The following STPG2 variants were observed in gnomAD, a reference collection of about 807,000 sequenced individuals.
STPG2 encodes sperm-tail PG-rich repeat-containing protein 2.
A neutral mutation model predicts 54.2 loss-of-function variants in STPG2; 56 were observed. The observed-to-expected ratio is 1.03, with a 90% CI of 0.83 to 1.29. STPG2 has a LOEUF of 1.29. Among genes scored for constraint, STPG2 ranks in the 50% most tolerant of loss-of-function variants. The pLI is 0.00. For missense variants in STPG2, 596 were observed against 544.9 expected (o/e 1.09, Z -0.93); for synonymous variants, 200 against 181.8 (o/e 1.10, Z -0.81).
intron 10 of STPG2, among the ~76,000 whole-genome samples, chr4:97,658,011 A>C (rs1286573724): frequency 6.6e-6 from 1 of 152,228 alleles, no homozygotes; most frequent in African/African-American, 2.4e-5. Flanking sequence ...TTTTACAAGA[A>C]GAACATATGT....
chr4:97,971,646 C>T (rs1429365131), intron 7 of STPG2, among the ~76,000 whole-genome samples: 2 of 151,874 alleles, frequency 1.3e-5, no homozygotes, highest in African/African-American at 4.8e-5. Context: ...TGTAGTCTGT[C>T]GTGGGGTGGC....
intron 5 of STPG2, among the ~76,000 whole-genome samples, chr4:98,094,455 C>T (rs1738785231): frequency 6.6e-6 from 1 of 152,168 alleles, no homozygotes; most frequent in African/African-American, 2.4e-5. Flanking sequence ...GTGAAAGACT[C>T]ATTCTGTTTT....
At chr4:97,581,989 T>A (rs1262676823) in intron 10 of STPG2, among the ~76,000 whole-genome samples, 1 of 152,074 alleles carries the variant, frequency 6.6e-6, no homozygotes, top group East Asian at 1.9e-4. Flanking sequence ...TCCGAGTTTA[T>A]AATTATTTCT....
chr4:97,703,443 C>CTA (rs1207888125), intron 10 of STPG2, among the ~76,000 whole-genome samples: 7 of 139,378 alleles, frequency 5.0e-5, no homozygotes, highest in South Asian at 2.2e-4. Context: ...ATGATATATG[C>CTA]TATATATATA....
At chr4:97,774,337 T>G (rs1254579805) in intron 9 of STPG2, among the ~76,000 whole-genome samples, 1 of 152,106 alleles carries the variant, frequency 6.6e-6, no homozygotes, top group African/African-American at 2.4e-5. Flanking sequence ...CTCTGGAAAT[T>G]TTAGGACTTA....
chr4:98,132,139 G>C (rs1396445543), intron 2 of STPG2, among the ~76,000 whole-genome samples: 1 of 151,770 alleles, frequency 6.6e-6, no homozygotes, highest in African/African-American at 2.4e-5. Context: ...ATTATTAACA[G>C]TACTAACACA....
intron 4 of STPG2, among the ~76,000 whole-genome samples, chr4:97,549,953 G>T (rs1731927953): frequency 6.6e-6 from 1 of 152,094 alleles, no homozygotes; most frequent in African/African-American, 2.4e-5. Context: ...GTATATTTAT[G>T]ACTTTGAATA....
At chr4:97,488,034 CCT>C (rs1349521550) in intron 4 of STPG2, among the ~76,000 whole-genome samples, 1 of 151,514 alleles carries the variant, frequency 6.6e-6, no homozygotes, top group East Asian at 1.9e-4. Context: ...CATCCCCTCC[CCT>C]CTTTCCTTTT....
At chr4:97,562,675 C>G (rs1008858173) in intron 10 of STPG2, among the ~76,000 whole-genome samples, 2 of 152,104 alleles carry the variant, frequency 1.3e-5, no homozygotes, top group Non-Finnish European at 2.9e-5. Context: ...TTGTCAAAGG[C>G]CTTTTCTGCA....
intron 4 of STPG2, among the ~76,000 whole-genome samples, chr4:97,497,665 A>G (rs1421989479): frequency 2.0e-5 from 3 of 151,914 alleles, no homozygotes; most frequent in Non-Finnish European, 2.9e-5. Flanking sequence ...ATGTTGAGTT[A>G]GAATTTTTAG....
In STPG2 at chr4:98,126,133, G is replaced by C. The variant is rs117848161; in HGVS notation, c.387+2295C>G. On this transcript the variant is annotated intron_variant, in intron 3 of 10. Coordinates refer to ENST00000295268, the MANE Select transcript of STPG2 (RefSeq NM_174952.3). ...TAGGCAGCAGAGATTCCAAGCCAGTGGGTCTTAGCTAGTGAGGTTCCATGG... is the reference window on the plus strand; with the variant it reads ...TAGGCAGCAGAGATTCCAAGCCAGTCGGTCTTAGCTAGTGAGGTTCCATGG... Among the ~76,000 whole-genome samples the C allele has an allele frequency of 9.8e-4, 149 of 152,334 alleles. 1 individual carries two copies. In the East Asian group the frequency reaches 0.028, roughly 28 times the overall value.
intron 4 of STPG2, among the ~76,000 whole-genome samples, chr4:97,454,152 T>C (rs953351633): frequency 1.3e-5 from 2 of 151,964 alleles, no homozygotes; most frequent in African/African-American, 4.8e-5. Context: ...GGTGGTAAAT[T>C]TAATGAAAAA....
intron 5 of STPG2, among the ~76,000 whole-genome samples, chr4:98,041,693 G>A (rs973723874): frequency 1.3e-5 from 2 of 151,756 alleles, no homozygotes; most frequent in South Asian, 2.1e-4. Context: ...CCACTTGATC[G>A]TGGTGTATTA....
chr4:97,527,106 C>G (rs1731297841), intron 4 of STPG2, among the ~76,000 whole-genome samples: 1 of 151,834 alleles, frequency 6.6e-6, no homozygotes, highest in Non-Finnish European at 1.5e-5. Context: ...CCCATCAACC[C>G]GTCATCAACA....
At chr4:97,770,632 G>A (rs1004570790) in intron 9 of STPG2, among the ~76,000 whole-genome samples, 2 of 152,202 alleles carry the variant, frequency 1.3e-5, no homozygotes, top group Non-Finnish European at 2.9e-5. Context: ...CAGAAATCCA[G>A]CTAAGATCTT....
intron 4 of STPG2, among the ~76,000 whole-genome samples, chr4:97,530,769 G>A (rs1442700063): frequency 6.6e-6 from 1 of 152,060 alleles, no homozygotes; most frequent in Non-Finnish European, 1.5e-5. Context: ...GTGCTGAATT[G>A]TCAATGGCAC....
rs187598094 is a variant in STPG2, at chr4:97,713,947, G to C, written c.1205-1133C>G. 4.1e-3 allele frequency among the ~76,000 whole-genome samples: 626 copies of C among 152,262 alleles called. 3 individuals are homozygous for C. Among genetic ancestry groups the C allele is most frequent in the South Asian group, 0.02 (98 of 4,822 alleles). Reference sequence around the variant, plus strand: ...AGGTCTACTATATCAAATGTTTCAAGAGGAGAGAAGACTTAGGAAGGACAC... The same window carrying C: ...AGGTCTACTATATCAAATGTTTCAACAGGAGAGAAGACTTAGGAAGGACAC... On this transcript the variant is annotated intron_variant, in intron 9 of 10. Coordinates refer to ENST00000295268, the MANE Select transcript of STPG2 (RefSeq NM_174952.3).
At chr4:97,859,466 C>CTTTTT (rs70953089) in intron 8 of STPG2, among the ~76,000 whole-genome samples, 34 of 129,070 alleles carry the variant, frequency 2.6e-4, no homozygotes, top group South Asian at 4.8e-4. Flanking sequence ...CTTTTCTTTT[C>CTTTTT]TTTTTTTTTT....
At chr4:98,053,208 T>C (rs1737379779) in intron 5 of STPG2, among the ~76,000 whole-genome samples, 1 of 152,158 alleles carries the variant, frequency 6.6e-6, no homozygotes, top group African/African-American at 2.4e-5. Flanking sequence ...GGTATAAAAA[T>C]CTAGGTATAT....
Sources: allele counts gnomAD v4.1 joint callset (sites outside exome capture counted in the v4.1 genomes callset), GRCh38; gene constraint gnomAD v4.1.1; transcripts MANE v1.5; gene names NCBI Gene and HGNC (gene_info 2026-07-23, HGNC 2026-07-21).